The following CFH variants were observed in gnomAD, a reference collection of about 807,000 sequenced individuals.
CFH encodes complement factor H, also known as H factor 1 (complement).
CFH carries 53 observed loss-of-function variants against 147.3 expected under a neutral mutation model. That is an observed-to-expected ratio of 0.36 (90% CI 0.29 to 0.45). The LOEUF (loss-of-function observed/expected upper bound fraction) is 0.45, where lower values mean the gene tolerates loss of function less well. CFH is among the 20% of genes least tolerant of loss of function. The pLI is 1.00. For synonymous variants in CFH, 536 were observed against 489.4 expected, an observed-to-expected ratio of 1.10 and a Z score of -1.26; for missense variants, 1,380 against 1,498.0, an observed-to-expected ratio of 0.92 and a Z score of 1.30.
At chr1:196,725,370 G>T (rs1669111728) in intron 12 of CFH, 73 bp downstream of exon 12, 8 of 1,470,852 alleles carry the variant, frequency 5.4e-6, no homozygotes, top group Non-Finnish European at 7.6e-6. Flanking sequence ...TATTAATTTT[G>T]TTTGGGCTCC....
chr1:196,681,113 C>G (rs547330064), intron 6 of CFH, among the ~76,000 whole-genome samples: 1 of 151,850 alleles, frequency 6.6e-6, no homozygotes, highest in South Asian at 2.1e-4. Context: ...TCCAGAGCCC[C>G]TCTCAAATCT....
chr1:196,688,772 G>A (rs944592912), intron 7 of CFH, among the ~76,000 whole-genome samples: 1 of 151,912 alleles, frequency 6.6e-6, no homozygotes, highest in African/African-American at 2.4e-5. Flanking sequence ...CACCAGGCCC[G>A]GCTAATTTTT....
rs759461405 is a variant in CFH at position 196,690,091 on chromosome 1, T to C, written c.1188T>C (p.Asn396=). The change falls in exon 9 of 22, where the codon AAT becomes AAC. Residue 396 remains asparagine, a synonymous_variant. Coordinates refer to ENST00000367429, the MANE Select transcript of CFH (RefSeq NM_000186.4). ...AATGTTATTTTCCTTATTTGGAAAA[T>C]GGATATAATCAAAATCATGGAAGAA... ...LRKCYFPYLE[N]GYNQNHGRKF... The C allele has an allele frequency of 2.5e-6, 4 of 1,610,854 alleles. No homozygotes were observed. The highest frequency in any genetic ancestry group is 3.4e-6 in the Non-Finnish European group (4 of 1,177,648).
intron 11 of CFH, among the ~76,000 whole-genome samples, chr1:196,724,152 A>G (rs1429212985): frequency 6.6e-6 from 1 of 151,998 alleles, no homozygotes; most frequent in East Asian, 1.9e-4. Flanking sequence ...TGCACTTTCC[A>G]TTAGGAATAG....
chr1:196,741,449 T>C (rs1024043502), intron 18 of CFH: 20 of 221,872 alleles, frequency 9.0e-5, no homozygotes, highest in African/African-American at 4.7e-4. Flanking sequence ...GAGAACTCAC[T>C]CACCATCGTG....
chr1:196,725,089 T>C, intron 11 of CFH, 32 bp from the exon 12 acceptor site: 1 of 1,569,210 alleles, frequency 6.4e-7, no homozygotes, highest in Non-Finnish European at 8.7e-7. Context: ...ATTAATTATA[T>C]ATTCTCATGA....
At chr1:196,706,817 A>G (rs1668601559) in intron 9 of CFH, among the ~76,000 whole-genome samples, 1 of 152,180 alleles carries the variant, frequency 6.6e-6, no homozygotes, top group Non-Finnish European at 1.5e-5. Context: ...AGTACCAAGG[A>G]TTCAAGCAAG....
At chr1:196,691,061 T>C (rs555153322) in intron 9 of CFH, among the ~76,000 whole-genome samples, 1 of 152,188 alleles carries the variant, frequency 6.6e-6, no homozygotes, top group South Asian at 2.1e-4. Flanking sequence ...AGAAAATGAT[T>C]TGGGGGCTGC....
intron 1 of CFH, among the ~76,000 whole-genome samples, chr1:196,660,707 T>A (rs1232140912): frequency 6.6e-6 from 1 of 152,334 alleles, no homozygotes; most frequent in Middle Eastern, 3.4e-3. Context: ...AGAGAAAAGG[T>A]AATCAATATG....
rs201165888 is a variant in CFH at position 196,677,436 on chromosome 1, T to C, written c.428-40T>C. The C allele has an allele frequency of 6.4e-5, 102 of 1,583,358 alleles. No homozygotes were observed. In the African/African-American group the frequency reaches 1.1e-3, roughly 16 times the overall value. On this transcript the variant is annotated intron_variant, in intron 4 of 21. Transcript: ENST00000367429. ...TACACATATTTTTCACAATAAACTTTTAAAATTCCATTAGAAAACATTACA... is the reference window on the plus strand; with the variant it reads ...TACACATATTTTTCACAATAAACTTCTAAAATTCCATTAGAAAACATTACA...
intron 19 of CFH, 50 bp downstream of exon 19, chr1:196,742,101 C>A (rs1163981169): frequency 1.4e-5 from 22 of 1,575,064 alleles, no homozygotes; most frequent in Non-Finnish European, 1.8e-5. Flanking sequence ...TGGGCCCAGC[C>A]CAGTGGCTGG....
At chr1:196,741,538 T>C (rs1381822468) in intron 18 of CFH, 1 of 314,560 alleles carries the variant, frequency 3.2e-6, no homozygotes, top group Admixed American at 4.7e-5. Flanking sequence ...GAGATTATTA[T>C]TCAAGATGAG....
At chr1:196,657,406 T>C (rs1243967881) in intron 1 of CFH, among the ~76,000 whole-genome samples, 1 of 152,214 alleles carries the variant, frequency 6.6e-6, no homozygotes, top group Non-Finnish European at 1.5e-5. Context: ...GTCTGCTTAC[T>C]ATGTGAATTT....
At chr1:196,689,178 C>A (rs535798565) in intron 7 of CFH, among the ~76,000 whole-genome samples, 43 of 152,156 alleles carry the variant, frequency 2.8e-4, no homozygotes, top group Non-Finnish European at 4.7e-4. Flanking sequence ...TTCTGGAGAG[C>A]CTTCATACAA....
At chr1:196,746,522 TA>T (rs1201518678) in intron 21 of CFH, among the ~76,000 whole-genome samples, 1 of 152,224 alleles carries the variant, frequency 6.6e-6, no homozygotes, top group Non-Finnish European at 1.5e-5. Context: ...AGTTGACAAA[TA>T]AAAATATATT....
At chr1:196,692,208 C>T (rs1256953282) in intron 9 of CFH, among the ~76,000 whole-genome samples, 2 of 152,114 alleles carry the variant, frequency 1.3e-5, no homozygotes, top group African/African-American at 2.4e-5. Context: ...CGCCTCGCTG[C>T]AACCTCCACT....
At chr1:196,675,327 A>G (rs1376251794) in intron 3 of CFH, among the ~76,000 whole-genome samples, 1 of 152,168 alleles carries the variant, frequency 6.6e-6, no homozygotes, top group African/African-American at 2.4e-5. Context: ...TTGGATGAGC[A>G]GATTTGACTC....
In CFH at chr1:196,689,531, A is replaced by G; in HGVS notation, c.1076A>G (p.Glu359Gly). The G allele has an allele frequency of 6.2e-7, 1 of 1,613,616 alleles. No homozygotes were observed. The highest frequency in any genetic ancestry group is 8.5e-7 in the Non-Finnish European group (1 of 1,179,702). ...VGKYYSYYCD[E>G]HFETPSGSYW... ...AAATATTACTCCTATTACTGTGATG[A>G]ACATTTTGAGACTCCGTCAGGAAGT... The change falls in exon 8 of 22, where the codon GAA (glutamate) becomes GGA (glycine). Residue 359 changes from glutamate (E) to glycine (G), a missense_variant. By Grantham distance (98) the Glu-to-Gly change is moderately conservative. Transcript: ENST00000367429.
intron 9 of CFH, among the ~76,000 whole-genome samples, chr1:196,704,220 G>A (rs979094086): frequency 4.0e-5 from 6 of 151,844 alleles, no homozygotes; most frequent in Non-Finnish European, 8.8e-5. Context: ...TCAGCCTCCC[G>A]AGTAGCTGGG....
Sources: gnomAD v4.1 joint callset for allele counts (sites outside exome capture counted in the v4.1 genomes callset) on GRCh38, gnomAD v4.1.1 for gene constraint, MANE v1.5 for transcripts, NCBI Gene and HGNC (gene_info 2026-07-23, HGNC 2026-07-21) for gene names.